Variants in RORA observed in about 807,000 individuals in gnomAD.
RORA encodes RAR related orphan receptor A.
Under a neutral mutation model 69.5 loss-of-function variants are expected in RORA, and 7 were observed. That is an observed-to-expected ratio of 0.10 (90% CI 0.06 to 0.19). The LOEUF (loss-of-function observed/expected upper bound fraction) is 0.19, where lower values mean the gene tolerates loss of function less well. RORA is among the 10% of genes least tolerant of loss of function. The probability of loss-of-function intolerance (pLI) is 1.00; values close to 1 mark genes in which losing one functional copy is unlikely to be tolerated. For missense variants in RORA, 457 were observed against 663.0 expected (o/e 0.69, Z 3.41); for synonymous variants, 261 against 240.8 (o/e 1.08, Z -0.78).
At chr15:61,120,496 G>A (rs536727834) in intron 1 of RORA, among the ~76,000 whole-genome samples, 41 of 151,978 alleles carry the variant, frequency 2.7e-4, no homozygotes, top group Admixed American at 2.0e-3. Flanking sequence ...TCAGGAGATC[G>A]AGACCACCCT....
intron 1 of RORA, among the ~76,000 whole-genome samples, chr15:61,215,031 A>ATTTTT (rs61132940): frequency 1.7e-3 from 133 of 80,492 alleles, no homozygotes; most frequent in African/African-American, 2.3e-3. Flanking sequence ...CGCCCAGCTA[A>ATTTTT]TTTTTTTTTT....
At chr15:60,549,517 C>T (rs190124535) in intron 2 of RORA, among the ~76,000 whole-genome samples, 273 of 152,240 alleles carry the variant, frequency 1.8e-3, no homozygotes, top group African/African-American at 6.1e-3. Context: ...CTCAGGATCT[C>T]ACATGTTTGT....
At position 60,591,436 on chromosome 15, in the gene RORA, T is replaced by C. The variant is rs532213053; in HGVS notation, c.197-59585A>G. On this transcript the variant is annotated intron_variant, in intron 2 of 10. Coordinates refer to ENST00000335670, the MANE Select transcript of RORA (RefSeq NM_134261.3). ...AACTTTAGCTTTCCCATCAGAAAGT[T>C]CCCTGACTTGCCACGGTTTCTCTCC... is the stretch of plus-strand genomic sequence containing the variant. Among the ~76,000 whole-genome samples, 5 of 152,292 alleles carry C rather than the reference T, an allele frequency of 3.3e-5. No individual in the cohort carries two copies. In the South Asian group the frequency reaches 1.0e-3, roughly 32 times the overall value.
At chr15:61,055,593 G>A (rs886506293) in intron 1 of RORA, among the ~76,000 whole-genome samples, 1 of 152,266 alleles carries the variant, frequency 6.6e-6, no homozygotes, top group Admixed American at 6.5e-5. Flanking sequence ...CCTACAAAAT[G>A]ACTTTAGCAA....
chr15:60,829,028 C>T (rs1404557514), intron 1 of RORA, among the ~76,000 whole-genome samples: 5 of 152,184 alleles, frequency 3.3e-5, no homozygotes, highest in Admixed American at 1.3e-4. Flanking sequence ...GTTTTGCACA[C>T]CCCATGGGTC....
intron 4 of RORA, among the ~76,000 whole-genome samples, chr15:60,513,317 A>G (rs745713063): frequency 8.5e-5 from 13 of 152,176 alleles, no homozygotes; most frequent in Non-Finnish European, 1.8e-4. Context: ...GCTATTTCTT[A>G]TATGCAAAAT....
At chr15:61,130,210 A>G (rs2079178720) in intron 1 of RORA, among the ~76,000 whole-genome samples, 1 of 152,206 alleles carries the variant, frequency 6.6e-6, no homozygotes, top group Non-Finnish European at 1.5e-5. Context: ...TTTACTGGTT[A>G]TTTCATCTAT....
chr15:60,754,194 T>C (rs914676249), intron 1 of RORA, among the ~76,000 whole-genome samples: 1 of 152,260 alleles, frequency 6.6e-6, no homozygotes, highest in Non-Finnish European at 1.5e-5. Flanking sequence ...TTTTTATTTG[T>C]CTGCTTTGAA....
chr15:60,673,794 C>T (rs977992741), intron 2 of RORA, among the ~76,000 whole-genome samples: 1 of 152,150 alleles, frequency 6.6e-6, no homozygotes, highest in African/African-American at 2.4e-5. Flanking sequence ...TCTGTAAACG[C>T]CTGGAAGGTA....
chr15:60,778,788 G>A (rs1323156137), intron 1 of RORA, among the ~76,000 whole-genome samples: 1 of 152,108 alleles, frequency 6.6e-6, no homozygotes, highest in East Asian at 1.9e-4. Context: ...TCCCTGGAGA[G>A]CCTTATAAGA....
intron 2 of RORA, among the ~76,000 whole-genome samples, chr15:60,540,510 C>CCCACAAAT (rs1360793569): frequency 6.7e-6 from 1 of 149,454 alleles, no homozygotes; most frequent in Admixed American, 6.8e-5. Flanking sequence ...TTCACATAAC[C>CCCACAAAT]CCACAAATTC....
At chr15:60,544,589 C>T (rs1307056434) in intron 2 of RORA, among the ~76,000 whole-genome samples, 1 of 152,122 alleles carries the variant, frequency 6.6e-6, no homozygotes, top group Non-Finnish European at 1.5e-5. Context: ...AAGGCAACAC[C>T]ATGCTAATAC....
chr15:61,148,127 T>A (rs957219353), intron 1 of RORA, among the ~76,000 whole-genome samples: 10 of 152,146 alleles, frequency 6.6e-5, no homozygotes, highest in African/African-American at 1.9e-4. Flanking sequence ...GGCAGTGGAA[T>A]CTGAGTGACA....
intron 2 of RORA, among the ~76,000 whole-genome samples, chr15:60,617,572 A>G (rs2069279025): frequency 6.6e-6 from 1 of 151,180 alleles, no homozygotes; most frequent in African/African-American, 2.4e-5. Flanking sequence ...TTCATAGCAC[A>G]GTGGATGATG....
chr15:60,736,549 AT>A (rs571063477), intron 1 of RORA, among the ~76,000 whole-genome samples: 81 of 152,146 alleles, frequency 5.3e-4, no homozygotes, highest in African/African-American at 1.9e-3. Context: ...TCTGATATAT[AT>A]TTTTTTCTTC....
At chr15:60,521,869 TCCTC>T in intron 3 of RORA, among the ~76,000 whole-genome samples, 1 of 152,312 alleles carries the variant, frequency 6.6e-6, no homozygotes, top group Non-Finnish European at 1.5e-5. Flanking sequence ...TCTCCAGTGT[TCCTC>T]CCTTATTTCA....
intron 3 of RORA, among the ~76,000 whole-genome samples, chr15:60,523,797 C>A (rs908182963): frequency 1.3e-5 from 2 of 152,196 alleles, no homozygotes; most frequent in Admixed American, 6.5e-5. Context: ...TCAGCCTTCT[C>A]AGCAGCTGGG....
chr15:60,858,692 T>TACACACACACACACAC (rs3053884), intron 1 of RORA, among the ~76,000 whole-genome samples: 2,589 of 142,852 alleles, frequency 0.018, 33 homozygotes, highest in African/African-American at 0.029. Flanking sequence ...AGAAAGAAAA[T>TACACACACACACACAC]ACACACACAC....
intron 1 of RORA, among the ~76,000 whole-genome samples, chr15:60,968,106 C>T (rs1416021581): frequency 3.9e-5 from 6 of 152,178 alleles, no homozygotes; most frequent in Non-Finnish European, 8.8e-5. Flanking sequence ...TTGGTGCTTA[C>T]GCTATTCCAG....
Sources: gnomAD v4.1 joint callset for allele counts (sites outside exome capture counted in the v4.1 genomes callset) on GRCh38, gnomAD v4.1.1 for gene constraint, MANE v1.5 for transcripts, NCBI Gene and HGNC (gene_info 2026-07-23, HGNC 2026-07-21) for gene names.